NDUFAF6: variants seen among roughly 807,000 people sequenced by gnomAD.
The protein encoded by NDUFAF6 is NADH:ubiquinone oxidoreductase complex assembly factor 6, also known as NADH dehydrogenase (ubiquinone) complex I, assembly factor 6.
A neutral mutation model predicts 40.8 loss-of-function variants in NDUFAF6; 45 were observed. The observed-to-expected ratio is 1.10, with a 90% confidence interval of 0.87 to 1.42. NDUFAF6 has a LOEUF of 1.42. Among genes scored for constraint, NDUFAF6 ranks in the 40% most tolerant of loss-of-function variants. NDUFAF6 has a pLI of 0.00. For missense variants in NDUFAF6, 435 were observed against 418.5 expected, an observed-to-expected ratio of 1.04 and a Z score of -0.34; for synonymous variants, 185 against 155.9, an observed-to-expected ratio of 1.19 and a Z score of -1.39.
intron 2 of NDUFAF6, among the ~76,000 whole-genome samples, chr8:95,092,417 A>G (rs13276468): frequency 0.86 from 130,915 of 151,738 alleles, 56,778 homozygotes; most frequent in East Asian, 1. Context: ...CCTGATCTCA[A>G]GTGAGCCACC....
At chr8:94,937,440 CAAA>C (rs1173351669) in intron 1 of NDUFAF6, among the ~76,000 whole-genome samples, 2 of 93,710 alleles carry the variant, frequency 2.1e-5, no homozygotes, top group Non-Finnish European at 2.4e-5. Flanking sequence ...GACTCCATCT[CAAA>C]AAAAAAAAAA....
intron 7 of NDUFAF6, among the ~76,000 whole-genome samples, chr8:95,051,465 A>G (rs1831419510): frequency 2.0e-5 from 3 of 152,204 alleles, no homozygotes; most frequent in Non-Finnish European, 4.4e-5. Context: ...AAACTGGAGT[A>G]TAATGGGTTA....
rs754326725 is a variant in NDUFAF6 at position 94,899,652 on chromosome 8, A to G, written c.-936+3725A>G. ...GCTGTGCTGCCTCCATTTATCACCA[A>G]ATTCCTTTCTCTTCTGTTCCCAAGT... On this transcript the variant is annotated intron_variant, in intron 1 of 14. Coordinates refer to the NDUFAF6 transcript ENST00000396113. 5.9e-5 allele frequency among the ~76,000 whole-genome samples: 9 copies of G among 152,264 alleles called. No homozygotes were observed. The East Asian group carries it at 1.7e-3, about 29-fold the overall frequency.
chr8:94,945,144 A>C (rs1821879653), intron 1 of NDUFAF6, among the ~76,000 whole-genome samples: 1 of 152,214 alleles, frequency 6.6e-6, no homozygotes, highest in Admixed American at 6.5e-5. Context: ...AGTTTTTTGA[A>C]AACTTTCAAG....
At chr8:94,976,288 G>A (rs1375830263) in intron 1 of NDUFAF6, among the ~76,000 whole-genome samples, 2 of 151,676 alleles carry the variant, frequency 1.3e-5, no homozygotes, top group Non-Finnish European at 1.5e-5. Context: ...GGCGGATCAC[G>A]AGGTCAGGAG....
chr8:94,985,400 A>C (rs2131594793), intron 2 of NDUFAF6, among the ~76,000 whole-genome samples: 1 of 141,718 alleles, frequency 7.1e-6, no homozygotes, highest in South Asian at 2.3e-4. Context: ...CTGATTACTT[A>C]GGCCATTTTG....
chr8:94,910,110 G>A (rs965417826), intron 1 of NDUFAF6, among the ~76,000 whole-genome samples: 2 of 151,818 alleles, frequency 1.3e-5, no homozygotes, highest in African/African-American at 4.8e-5. Context: ...AACCAGCCAG[G>A]GTTCCCTACT....
At chr8:95,017,326 A>G (rs1015218826) in intron 2 of NDUFAF6, among the ~76,000 whole-genome samples, 3 of 152,110 alleles carry the variant, frequency 2.0e-5, no homozygotes, top group Non-Finnish European at 4.4e-5. Context: ...GGAGTCATGT[A>G]GAGTCATGGA....
intron 6 of NDUFAF6, 116 bp from the exon 7 acceptor site, chr8:95,048,341 C>A (rs1305222692): frequency 7.9e-6 from 6 of 757,716 alleles, no homozygotes; most frequent in African/African-American, 3.5e-5. Context: ...ACTGTTCTGT[C>A]ACGTGTTCTC....
rs113852495 is a variant in NDUFAF6, at chr8:95,113,412, C to T, written n.345-2124C>T. 5.8e-3 allele frequency among the ~76,000 whole-genome samples: 877 copies of T among 152,268 alleles called. 1 individual carries two copies. Among genetic ancestry groups the T allele is most frequent in the Non-Finnish European group, 8.1e-3 (554 of 68,020 alleles). On this transcript the variant is annotated intron_variant and non_coding_transcript_variant, in intron 4 of 5. Transcript: ENST00000523184. The stretch of plus-strand genomic sequence containing the variant: ...TCTCATGGAGGAATGATCAACTCTG[C>T]GCCATCCCCATCCCAGGGAGAGGAG...
intron 2 of NDUFAF6, among the ~76,000 whole-genome samples, chr8:95,015,274 G>C (rs1827394825): frequency 6.6e-6 from 1 of 152,154 alleles, no homozygotes; most frequent in Non-Finnish European, 1.5e-5. Flanking sequence ...AGGAGGAAAG[G>C]AAGCTGGGCA....
At chr8:95,003,745 A>G (rs1403956130) in intron 2 of NDUFAF6, among the ~76,000 whole-genome samples, 1 of 152,070 alleles carries the variant, frequency 6.6e-6, no homozygotes, top group African/African-American at 2.4e-5. Flanking sequence ...TCAATGCCAC[A>G]CTCTCTTGCT....
At chr8:95,006,606 C>A (rs952864364) in intron 2 of NDUFAF6, among the ~76,000 whole-genome samples, 1 of 152,058 alleles carries the variant, frequency 6.6e-6, no homozygotes, top group Non-Finnish European at 1.5e-5. Flanking sequence ...TTAGGCCAGG[C>A]ACAGTGGTTC....
chr8:94,946,501 G>C (rs1822001831), intron 2 of NDUFAF6, among the ~76,000 whole-genome samples: 1 of 151,616 alleles, frequency 6.6e-6, no homozygotes, highest in South Asian at 2.1e-4. Context: ...AGGAGTTCAA[G>C]ACCAGCCTGG....
intron 2 of NDUFAF6, chr8:94,988,831 A>T (rs1457274075): frequency 6.6e-6 from 1 of 152,250 alleles, no homozygotes; most frequent in Non-Finnish European, 1.5e-5. Flanking sequence ...ATATCCACAG[A>T]AGGGAATCTT....
At chr8:95,036,465 G>A in intron 3 of NDUFAF6, 1 of 1,289,334 alleles carries the variant, frequency 7.8e-7, no homozygotes, top group Non-Finnish European at 1.0e-6. Flanking sequence ...CCCCAACTGG[G>A]GATTGAGAAG....
chr8:94,960,465 T>C (rs926609506), intron 1 of NDUFAF6, among the ~76,000 whole-genome samples: 1 of 152,208 alleles, frequency 6.6e-6, no homozygotes, highest in Non-Finnish European at 1.5e-5. Flanking sequence ...AACTGCTCCA[T>C]GTCTGTTATA....
At chr8:95,050,394 A>G (rs575072953) in intron 7 of NDUFAF6, among the ~76,000 whole-genome samples, 1 of 152,300 alleles carries the variant, frequency 6.6e-6, no homozygotes, top group Non-Finnish European at 1.5e-5. Context: ...GAGGCTTTTG[A>G]GAGGCATTAG....
chr8:94,911,937 T>G (rs950157951), intron 1 of NDUFAF6, among the ~76,000 whole-genome samples: 2 of 152,180 alleles, frequency 1.3e-5, no homozygotes, highest in African/African-American at 4.8e-5. Flanking sequence ...GGGCCCACAC[T>G]TGGTTTTCAC....
Sources: gnomAD v4.1 joint callset for allele counts (sites outside exome capture counted in the v4.1 genomes callset) on GRCh38, gnomAD v4.1.1 for gene constraint, MANE v1.5 for transcripts, NCBI Gene and HGNC (gene_info 2026-07-23, HGNC 2026-07-21) for gene names.